Variants in MAGI2 observed in about 807,000 individuals in gnomAD.
MAGI2 encodes the protein membrane-associated guanylate kinase, WW and PDZ domain-containing protein 2.
MAGI2 carries 35 observed loss-of-function variants against 133.3 expected under a neutral mutation model. That is an observed-to-expected ratio of 0.26 (90% CI 0.20 to 0.35). The LOEUF is 0.35. Ranked by LOEUF, MAGI2 falls within the 10% of genes least tolerant of loss-of-function variation. The pLI is 1.00. For synonymous variants in MAGI2, 729 were observed against 710.6 expected (o/e 1.03, Z -0.41); for missense variants, 1,636 against 1,863.4 (o/e 0.88, Z 2.25).
intron 1 of MAGI2, among the ~76,000 whole-genome samples, chr7:79,301,219 A>T (rs553489862): frequency 6.6e-6 from 1 of 152,312 alleles, no homozygotes; most frequent in South Asian, 2.1e-4. Context: ...TATCCTCCAG[A>T]TCTGAGAATG....
At position 78,961,518 on chromosome 7, in the gene MAGI2, A is replaced by G. The variant is rs376940230; in HGVS notation, c.418+45572T>C. The stretch of plus-strand genomic sequence containing the variant: ...AGTGATATCTGGATTCTCCAGTGAC[A>G]AAAAGAAAAATTTTAATTGTGTAAC... On this transcript the variant is annotated intron_variant, in intron 2 of 21. Coordinates refer to ENST00000354212, the MANE Select transcript of MAGI2 (RefSeq NM_012301.4). Among the ~76,000 whole-genome samples the G allele has an allele frequency of 3.3e-5, 5 of 152,160 alleles. No individual in the cohort carries two copies. The East Asian group carries it at 9.7e-4, about 29-fold the overall frequency.
intron 1 of MAGI2, among the ~76,000 whole-genome samples, chr7:79,203,682 G>A (rs1399549749): frequency 6.6e-6 from 1 of 151,894 alleles, no homozygotes; most frequent in Non-Finnish European, 1.5e-5. Context: ...CTAACATAAA[G>A]CAAGGGGACA....
In MAGI2 at chr7:78,025,632, A is replaced by T. The variant is rs115682122; in HGVS notation, c.3707-5656T>A. ...ATTTTCATTTGAAGTATAATCTGTC[A>T]AAAACAGGTTTGTATTTGGAACTTT... On this transcript the variant is annotated intron_variant, in intron 21 of 21. Transcript: ENST00000354212. Among the ~76,000 whole-genome samples, 909 of 152,338 alleles carry T rather than the reference A, an allele frequency of 6.0e-3. 11 individuals are homozygous for T. Among genetic ancestry groups the T allele is most frequent in the African/African-American group, 0.02 (852 of 41,584 alleles).
chr7:79,092,010 G>T (rs1447290774), intron 1 of MAGI2, among the ~76,000 whole-genome samples: 1 of 151,952 alleles, frequency 6.6e-6, no homozygotes, highest in Non-Finnish European at 1.5e-5. Context: ...AGTAGCCTTT[G>T]ATACATGCTA....
chr7:78,912,796 AT>A (rs1798507652), intron 2 of MAGI2, among the ~76,000 whole-genome samples: 3 of 144,104 alleles, frequency 2.1e-5, no homozygotes, highest in African/African-American at 7.8e-5. Context: ...TATATATATC[AT>A]TCATATATAT....
At chr7:79,409,512 T>A (rs1846019052) in intron 1 of MAGI2, among the ~76,000 whole-genome samples, 1 of 152,028 alleles carries the variant, frequency 6.6e-6, no homozygotes, top group African/African-American at 2.4e-5. Flanking sequence ...TTAAAGTGAT[T>A]GCTACAACAA....
At chr7:78,234,354 C>G (rs867064031) in intron 10 of MAGI2, among the ~76,000 whole-genome samples, 51 of 152,126 alleles carry the variant, frequency 3.4e-4, no homozygotes, top group Middle Eastern at 3.4e-3. Context: ...CCTGGAAATA[C>G]AAAACTGATT....
At chr7:78,025,483 C>G (rs1352746856) in intron 21 of MAGI2, among the ~76,000 whole-genome samples, 1 of 152,166 alleles carries the variant, frequency 6.6e-6, no homozygotes, top group African/African-American at 2.4e-5. Context: ...TAATAACTAG[C>G]ATAGCCCTCG....
At chr7:78,681,398 CACTT>C (rs1400781531) in intron 2 of MAGI2, among the ~76,000 whole-genome samples, 2 of 152,160 alleles carry the variant, frequency 1.3e-5, no homozygotes, top group Admixed American at 6.5e-5. Flanking sequence ...CAACAACTGT[CACTT>C]ACTATTACCC....
At chr7:78,995,846 C>T (rs923315088) in intron 2 of MAGI2, among the ~76,000 whole-genome samples, 1 of 152,132 alleles carries the variant, frequency 6.6e-6, no homozygotes, top group Non-Finnish European at 1.5e-5. Flanking sequence ...GCCTGATCCA[C>T]CTGGGATACA....
At chr7:79,003,273 A>G (rs1257288074) in intron 2 of MAGI2, among the ~76,000 whole-genome samples, 1 of 152,190 alleles carries the variant, frequency 6.6e-6, no homozygotes, top group African/African-American at 2.4e-5. Flanking sequence ...TCCAGCTCCA[A>G]GATGTGCCTC....
At chr7:79,257,993 T>C (rs1833817046) in intron 1 of MAGI2, among the ~76,000 whole-genome samples, 1 of 152,238 alleles carries the variant, frequency 6.6e-6, no homozygotes, top group Non-Finnish European at 1.5e-5. Flanking sequence ...ACATTTTGCC[T>C]GACCTCATGC....
chr7:79,095,921 G>A (rs1217315423), intron 1 of MAGI2, among the ~76,000 whole-genome samples: 1 of 151,540 alleles, frequency 6.6e-6, no homozygotes, highest in African/African-American at 2.4e-5. Flanking sequence ...CCTTCAATCT[G>A]TAAAAACGAC....
At chr7:79,243,671 GAC>G (rs1832599364) in intron 1 of MAGI2, among the ~76,000 whole-genome samples, 1 of 152,124 alleles carries the variant, frequency 6.6e-6, no homozygotes, top group Non-Finnish European at 1.5e-5. Context: ...AATGATTTCT[GAC>G]TTACTGCTGC....
intron 4 of MAGI2, among the ~76,000 whole-genome samples, chr7:78,513,771 T>C (rs909203852): frequency 2.6e-5 from 4 of 152,028 alleles, no homozygotes; most frequent in African/African-American, 9.7e-5. Flanking sequence ...AGAGGTTGAG[T>C]GCATGCAATG....
At chr7:78,432,075 T>C (rs1799845517) in intron 6 of MAGI2, among the ~76,000 whole-genome samples, 1 of 152,120 alleles carries the variant, frequency 6.6e-6, no homozygotes, top group East Asian at 1.9e-4. Context: ...AAAAATCAGG[T>C]AATTTCTTCA....
At chr7:78,725,755 C>T (rs1820716178) in intron 2 of MAGI2, among the ~76,000 whole-genome samples, 1 of 152,190 alleles carries the variant, frequency 6.6e-6, no homozygotes, top group African/African-American at 2.4e-5. Context: ...GCCGAGATTG[C>T]GCCACTGCGC....
chr7:78,540,757 G>A (rs62468605), intron 3 of MAGI2, among the ~76,000 whole-genome samples: 1 of 151,896 alleles, frequency 6.6e-6, no homozygotes, highest in Non-Finnish European at 1.5e-5. Flanking sequence ...GCTTCTTTAG[G>A]GGCCGGGAGT....
chr7:79,395,831 A>T (rs1053453858), intron 1 of MAGI2, among the ~76,000 whole-genome samples: 13 of 152,158 alleles, frequency 8.5e-5, no homozygotes, highest in African/African-American at 2.9e-4. Flanking sequence ...ATACTCTAGA[A>T]TAGCTATGCA....
Sources: allele counts gnomAD v4.1 joint callset (sites outside exome capture counted in the v4.1 genomes callset), GRCh38; gene constraint gnomAD v4.1.1; transcripts MANE v1.5; gene names NCBI Gene and HGNC (gene_info 2026-07-23, HGNC 2026-07-21).